The following COBL variants were observed in gnomAD, a reference collection of about 807,000 sequenced individuals.
The protein encoded by COBL is cordon-bleu WH2 repeat protein, also known as protein cordon-bleu.
Under a neutral mutation model 98.8 loss-of-function variants are expected in COBL, and 51 were observed. The ratio of observed to expected loss-of-function variants is 0.52; its 90% CI spans 0.41 to 0.65. The LOEUF (loss-of-function observed/expected upper bound fraction) is 0.65. Among genes scored for constraint, COBL ranks in the 30% least tolerant of loss-of-function variants. COBL has a pLI of 0.00. For synonymous variants in COBL, 634 were observed against 651.7 expected, an observed-to-expected ratio of 0.97 and a Z score of 0.41; for missense variants, 1,617 against 1,617.5, an observed-to-expected ratio of 1.00 and a Z score of 0.01.
At chr7:51,052,044 T>C (rs1790299409) in intron 7 of COBL, among the ~76,000 whole-genome samples, 1 of 152,210 alleles carries the variant, frequency 6.6e-6, no homozygotes, top group Non-Finnish European at 1.5e-5. Flanking sequence ...AACACTGATA[T>C]TTGCAAACCA....
chr7:51,155,963 A>G (rs552327958), intron 5 of COBL, among the ~76,000 whole-genome samples: 2 of 152,332 alleles, frequency 1.3e-5, no homozygotes, highest in African/African-American at 4.8e-5. Flanking sequence ...AGGAAATTCA[A>G]ATGCAACTGG....
At chr7:51,290,426 C>T (rs1320752606) in intron 1 of COBL, among the ~76,000 whole-genome samples, 1 of 152,086 alleles carries the variant, frequency 6.6e-6, no homozygotes, top group African/African-American at 2.4e-5. Context: ...AATGTCACAA[C>T]TCAGATTGCT....
chr7:51,281,887 T>C (rs373896978), intron 1 of COBL, among the ~76,000 whole-genome samples: 3 of 152,176 alleles, frequency 2.0e-5, no homozygotes, highest in Non-Finnish European at 2.9e-5. Flanking sequence ...TTCTTCTTTT[T>C]TGAGTTCTTT....
chr7:51,039,710 A>G (rs1788983447), intron 8 of COBL, among the ~76,000 whole-genome samples: 3 of 152,266 alleles, frequency 2.0e-5, no homozygotes, highest in Admixed American at 6.5e-5. Context: ...TTTCTCCCAA[A>G]GAGAAGTGCA....
At chr7:51,294,803 G>A (rs1255925476) in intron 1 of COBL, among the ~76,000 whole-genome samples, 1 of 151,960 alleles carries the variant, frequency 6.6e-6, no homozygotes. Flanking sequence ...CATTGTCCTT[G>A]TACATGGTCT....
At chr7:51,309,474 C>A (rs1234347302) in intron 1 of COBL, among the ~76,000 whole-genome samples, 1 of 152,178 alleles carries the variant, frequency 6.6e-6, no homozygotes, top group Non-Finnish European at 1.5e-5. Context: ...GACCTCTTAA[C>A]ACCTCCCAAA....
chr7:51,247,964 C>G (rs945830357), intron 1 of COBL, among the ~76,000 whole-genome samples: 1 of 151,924 alleles, frequency 6.6e-6, no homozygotes, highest in Non-Finnish European at 1.5e-5. Flanking sequence ...ATGGTGAAAC[C>G]CCCGTCTCTA....
chr7:51,264,992 C>G (rs1261631807), intron 1 of COBL, among the ~76,000 whole-genome samples: 1 of 152,106 alleles, frequency 6.6e-6, no homozygotes, highest in Non-Finnish European at 1.5e-5. Flanking sequence ...TGCCCAGAGG[C>G]CTCTGGCCCT....
chr7:51,235,011 T>C (rs1347295862), intron 1 of COBL, among the ~76,000 whole-genome samples: 5 of 152,078 alleles, frequency 3.3e-5, no homozygotes, highest in Non-Finnish European at 7.4e-5. Context: ...TTCTGTTCCC[T>C]CCACAACCTG....
intron 1 of COBL, among the ~76,000 whole-genome samples, chr7:51,266,707 C>G (rs1798241701): frequency 6.6e-6 from 1 of 152,184 alleles, no homozygotes; most frequent in South Asian, 2.1e-4. Context: ...GTCCCTGTTT[C>G]CCACAAATGG....
At chr7:51,184,290 C>T (rs1789273363) in intron 4 of COBL, 91 bp from the exon 5 acceptor site, 1 of 700,298 alleles carries the variant, frequency 1.4e-6, no homozygotes, top group African/African-American at 1.8e-5. Flanking sequence ...GAATCCTCTA[C>T]TCTTAAACTT....
intron 7 of COBL, among the ~76,000 whole-genome samples, chr7:51,062,460 G>A (rs1222465384): frequency 2.0e-5 from 3 of 152,080 alleles, no homozygotes; most frequent in Non-Finnish European, 2.9e-5. Flanking sequence ...CCCGGCGCTC[G>A]GCTGGCCTGC....
At chr7:51,204,022 T>C (rs1791419350) in intron 2 of COBL, among the ~76,000 whole-genome samples, 1 of 152,168 alleles carries the variant, frequency 6.6e-6, no homozygotes, top group African/African-American at 2.4e-5. Flanking sequence ...AGGATTATAC[T>C]CCACAACTAA....
chr7:51,142,743 A>T (rs1366335595), intron 5 of COBL, among the ~76,000 whole-genome samples: 1 of 152,234 alleles, frequency 6.6e-6, no homozygotes, highest in Non-Finnish European at 1.5e-5. Flanking sequence ...GCTATCAGAC[A>T]GTATTTCAGT....
chr7:51,299,310 T>C (rs1584440549), intron 1 of COBL, among the ~76,000 whole-genome samples: 1 of 152,242 alleles, frequency 6.6e-6, no homozygotes, highest in African/African-American at 2.4e-5. Flanking sequence ...GTTTAGAAAG[T>C]ATTATATTCC....
At position 51,107,573 on chromosome 7, in the gene COBL, A is replaced by C. The variant is rs547318518; in HGVS notation, c.958-22269T>G. Among the ~76,000 whole-genome samples, 13 of 152,278 alleles carry C rather than the reference A, an allele frequency of 8.5e-5. No individual in the cohort carries two copies. In the South Asian group the frequency reaches 2.3e-3, roughly 27 times the overall value. On this transcript the variant is annotated intron_variant, in intron 6 of 12. Transcript: ENST00000265136. Reference sequence around the variant, plus strand: ...GCTAGAAATATGTGCAGACGTTTATAATCTTTTTACTTTTTTAAAATAATG... The same window carrying C: ...GCTAGAAATATGTGCAGACGTTTATCATCTTTTTACTTTTTTAAAATAATG...
At chr7:51,172,547 A>G (rs1787978170) in intron 5 of COBL, 1 of 1,279,414 alleles carries the variant, frequency 7.8e-7, no homozygotes, top group African/African-American at 1.5e-5. Flanking sequence ...CACAAGCACC[A>G]GGCCACATCA....
intron 6 of COBL, among the ~76,000 whole-genome samples, chr7:51,130,193 G>C (rs573602339): frequency 6.6e-6 from 1 of 152,108 alleles, no homozygotes; most frequent in Non-Finnish European, 1.5e-5. Context: ...CCTCCTGAGC[G>C]CATGGTAAAC....
chr7:51,041,770 C>T (rs188839112), intron 8 of COBL, among the ~76,000 whole-genome samples: 3 of 152,198 alleles, frequency 2.0e-5, no homozygotes, highest in East Asian at 1.9e-4. Flanking sequence ...AGGCTTGAGC[C>T]GCTGCACCCA....
Sources: gnomAD v4.1 joint callset for allele counts (sites outside exome capture counted in the v4.1 genomes callset) on GRCh38, gnomAD v4.1.1 for gene constraint, MANE v1.5 for transcripts, NCBI Gene and HGNC (gene_info 2026-07-23, HGNC 2026-07-21) for gene names.